Variants in CD86 observed in about 807,000 individuals in gnomAD.
CD86 encodes the protein T-lymphocyte activation antigen CD86.
CD86 carries 11 observed loss-of-function variants against 32.1 expected under a neutral mutation model. That is an observed-to-expected ratio of 0.34 (90% CI 0.22 to 0.57). The LOEUF (loss-of-function observed/expected upper bound fraction) is 0.57, where lower values mean the gene tolerates loss of function less well. Among genes scored for constraint, CD86 ranks in the 20% least tolerant of loss-of-function variants. The pLI, the probability that CD86 is intolerant of heterozygous loss-of-function variation, is 0.86. For missense variants in CD86, 359 were observed against 398.4 expected (o/e 0.90, Z 0.84); for synonymous variants, 137 against 135.3 (o/e 1.01, Z -0.09).
At chr3:122,056,528 T>G (rs1393610437) in intron 1 of CD86, among the ~76,000 whole-genome samples, 1 of 152,008 alleles carries the variant, frequency 6.6e-6, no homozygotes, top group Non-Finnish European at 1.5e-5. Context: ...AGAGACGGGG[T>G]CCACCATGTT....
chr3:122,106,419 C>G lies in CD86; in HGVS notation c.622C>G (p.Pro208Ala). 1 of 1,613,960 alleles carries G rather than the reference C, an allele frequency of 6.2e-7. No individual in the cohort carries two copies. The highest frequency in any genetic ancestry group is 8.5e-7 in the Non-Finnish European group (1 of 1,179,888). Reference protein sequence around the residue: ...DVSISLSVSFPDVTSNMTIFC... With the variant: ...DVSISLSVSFADVTSNMTIFC... ...TTCCATCAGCTTGTCTGTTTCATTCCCTGATGTTACGAGCAATATGACCAT... is the reference window on the plus strand; with the variant it reads ...TTCCATCAGCTTGTCTGTTTCATTCGCTGATGTTACGAGCAATATGACCAT... Residue 208 changes from proline (P) to alanine (A), a missense_variant, in exon 4 of 7, where the codon CCT becomes GCT. Pro to Ala is a conservative substitution (Grantham distance 27). Coordinates refer to ENST00000330540, the MANE Select transcript of CD86 (RefSeq NM_175862.5).
At chr3:122,073,923 A>G (rs1026173269) in intron 1 of CD86, among the ~76,000 whole-genome samples, 1 of 152,206 alleles carries the variant, frequency 6.6e-6, no homozygotes, top group African/African-American at 2.4e-5. Context: ...GCCAGTTGAA[A>G]AAGAGACTGT....
At chr3:122,105,149 G>C (rs2073071291) in intron 3 of CD86, among the ~76,000 whole-genome samples, 1 of 152,156 alleles carries the variant, frequency 6.6e-6, no homozygotes, top group Non-Finnish European at 1.5e-5. Flanking sequence ...AATGTGGTCA[G>C]GTACCATTGG....
intron 1 of CD86, among the ~76,000 whole-genome samples, chr3:122,068,617 T>G (rs1253527419): frequency 1.3e-5 from 2 of 152,232 alleles, no homozygotes; most frequent in African/African-American, 2.4e-5. Flanking sequence ...TTACTTTGAG[T>G]TCTGAAAGGT....
At chr3:122,077,152 A>G (rs2072566487) in intron 1 of CD86, among the ~76,000 whole-genome samples, 1 of 152,122 alleles carries the variant, frequency 6.6e-6, no homozygotes, top group South Asian at 2.1e-4. Flanking sequence ...TGTCCCCCAC[A>G]CTGAGCAGAG....
chr3:122,106,840 GCACACA>G lies in CD86; in HGVS notation c.703+366_703+371del, dbSNP rs56759758. 1.4e-4 allele frequency among the ~76,000 whole-genome samples: 20 copies of G among 143,576 alleles called. No individual in the cohort carries two copies. In the South Asian group the frequency reaches 3.0e-3, roughly 21 times the overall value. 94.2% of individuals were successfully genotyped at this position (143,576 alleles called of 152,430 possible). On this transcript the variant is annotated intron_variant, in intron 4 of 6. Coordinates refer to ENST00000330540, the MANE Select transcript of CD86 (RefSeq NM_175862.5). ...TTGATTACAACACATACATGCGCTT[GCACACA>G]CACACACACACACACACACACACAC...
At chr3:122,094,762 T>C (rs2072880222) in intron 2 of CD86, among the ~76,000 whole-genome samples, 2 of 152,254 alleles carry the variant, frequency 1.3e-5, no homozygotes, top group African/African-American at 4.8e-5. Context: ...TCATGGAAAT[T>C]TGACACAGTA....
chr3:122,120,075 A>G lies in CD86; in HGVS notation c.*541A>G, dbSNP rs1190131655. On this transcript the variant is annotated 3_prime_UTR_variant, in exon 7 of 7. Transcript: ENST00000330540. ...TAATAGTGTGATTACTATGCTCTAG[A>G]GAAAAGTCTACCCCTGCTAAGGAGT... 6.6e-6 allele frequency: 1 copy of G among 152,654 alleles called. No homozygotes were observed. The highest frequency in any genetic ancestry group is 1.5e-5 in the Non-Finnish European group (1 of 68,448). 9.5% of individuals were successfully genotyped at this position (152,654 alleles called of 1,614,324 possible). A position where few individuals can be genotyped will look rare whatever the true frequency, so the allele number is the denominator to read the frequency against.
In CD86 at chr3:122,101,516, AT is replaced by A. The variant is rs1559909869; in HGVS notation, c.65-1995del. On this transcript the variant is annotated intron_variant, in intron 2 of 6. Coordinates refer to ENST00000330540, the MANE Select transcript of CD86 (RefSeq NM_175862.5). ...TACAGAAAAAAAAAAAAAAAAAAAT[AT>A]ATATATATATATATATATATATATG... Among the ~76,000 whole-genome samples, 144 of 26,764 alleles carry A rather than the reference AT, an allele frequency of 5.4e-3. 1 individual carries two copies. The highest frequency in any genetic ancestry group is 0.011 in the Non-Finnish European group (101 of 8,834). The allele number at this position is 26,764 out of a possible 152,430, so 17.6% of individuals were successfully genotyped here. A position where few individuals can be genotyped will look rare whatever the true frequency, so the allele number is the denominator to read the frequency against.
At chr3:122,082,290 A>G (rs1300635648) in intron 1 of CD86, among the ~76,000 whole-genome samples, 2 of 152,238 alleles carry the variant, frequency 1.3e-5, no homozygotes, top group African/African-American at 4.8e-5. Context: ...TATTGGAACT[A>G]CTTGCCCTTC....
intron 2 of CD86, among the ~76,000 whole-genome samples, chr3:122,096,752 G>A (rs968329733): frequency 4.6e-5 from 7 of 152,194 alleles, no homozygotes; most frequent in African/African-American, 1.4e-4. Context: ...TTGAACTCAC[G>A]CTGTCCAGAA....
Position 122,091,617 on chromosome 3 carries a change from A to G in CD86, c.31A>G (p.Asn11Asp). ...CGACTCTAGCACTATGGGACTGAGTAACATTCTCTTTGTGATGGCCTTCCT... is the reference window on the plus strand; with the variant it reads ...CGACTCTAGCACTATGGGACTGAGTGACATTCTCTTTGTGATGGCCTTCCT... MDPQCTMGLS[N>D]ILFVMAFLLS... Residue 11 changes from asparagine to aspartate, a missense_variant, in exon 2 of 7, where the codon AAC becomes GAC. By Grantham distance (23) the Asn-to-Asp change is conservative. Coordinates refer to ENST00000330540, the MANE Select transcript of CD86 (RefSeq NM_175862.5). 1 of 1,612,998 alleles carries G rather than the reference A, an allele frequency of 6.2e-7. No homozygotes were observed.
chr3:122,058,850 C>A (rs1362617268), intron 1 of CD86, among the ~76,000 whole-genome samples: 1 of 151,882 alleles, frequency 6.6e-6, no homozygotes, highest in Non-Finnish European at 1.5e-5. Context: ...GGAGAAATGG[C>A]GAGGGCATGA....
intron 1 of CD86, among the ~76,000 whole-genome samples, chr3:122,072,515 G>A (rs1182397070): frequency 7.9e-5 from 12 of 152,218 alleles, no homozygotes; most frequent in African/African-American, 1.2e-4. Flanking sequence ...TCTTTTGGCT[G>A]CATAAATGTC....
chr3:122,118,195 A>G (rs940839378), intron 6 of CD86, 102 bp downstream of exon 6: 1 of 929,352 alleles, frequency 1.1e-6, no homozygotes. Context: ...ACCTCAGCAA[A>G]CCTGAACTAA....
intron 1 of CD86, among the ~76,000 whole-genome samples, chr3:122,078,743 G>A (rs2072589061): frequency 6.6e-6 from 1 of 152,188 alleles, no homozygotes. Flanking sequence ...TCTATTAATA[G>A]CAATTTAAGG....
At position 122,078,368 on chromosome 3, in the gene CD86, C is replaced by T. The variant is rs116524127; in HGVS notation, c.15-13233C>T. Among the ~76,000 whole-genome samples, 822 of 152,284 alleles carry T rather than the reference C, an allele frequency of 5.4e-3. 5 individuals are homozygous for T. The highest frequency in any genetic ancestry group is 0.017 in the African/African-American group (709 of 41,548). On this transcript the variant is annotated intron_variant, in intron 1 of 6. Coordinates refer to ENST00000330540, the MANE Select transcript of CD86 (RefSeq NM_175862.5). ...CTTGGCTTTGGGGTGCTGGGGTCTCCGAGCAGCCTCTGCTCTAGAAGAAGC... is the reference window on the plus strand; with the variant it reads ...CTTGGCTTTGGGGTGCTGGGGTCTCTGAGCAGCCTCTGCTCTAGAAGAAGC...
chr3:122,109,699 T>C (rs1228193008), intron 5 of CD86, among the ~76,000 whole-genome samples: 1 of 152,198 alleles, frequency 6.6e-6, no homozygotes, highest in East Asian at 1.9e-4. Context: ...CTTCATGAGG[T>C]TACTGTGACA....
intron 1 of CD86, among the ~76,000 whole-genome samples, chr3:122,084,573 C>T (rs1401089688): frequency 6.6e-6 from 1 of 152,110 alleles, no homozygotes; most frequent in Non-Finnish European, 1.5e-5. Context: ...ATTCATATGT[C>T]TGGTGGCTTG....
Sources: gnomAD v4.1 joint callset for allele counts (sites outside exome capture counted in the v4.1 genomes callset) on GRCh38, gnomAD v4.1.1 for gene constraint, MANE v1.5 for transcripts, NCBI Gene and HGNC (gene_info 2026-07-23, HGNC 2026-07-21) for gene names.